The following MXI1 variants were observed in gnomAD, a reference collection of about 807,000 sequenced individuals.
MXI1 encodes MAX interactor 1, dimerization protein, also known as max-interacting protein 1.
MXI1 carries 18 observed loss-of-function variants against 36.9 expected under a neutral mutation model. The ratio of observed to expected loss-of-function variants is 0.49; its 90% CI spans 0.34 to 0.72. MXI1 has a LOEUF of 0.72. Ranked by LOEUF, MXI1 falls within the 30% of genes least tolerant of loss-of-function variation. The probability of loss-of-function intolerance (pLI) is 0.01; values close to 1 mark genes in which losing one functional copy is unlikely to be tolerated. For missense variants in MXI1, 304 were observed against 379.1 expected, an observed-to-expected ratio of 0.80 and a Z score of 1.64; for synonymous variants, 160 against 146.7, an observed-to-expected ratio of 1.09 and a Z score of -0.65.
intron 5 of MXI1, 85 bp from the exon 6 acceptor site, chr10:110,284,739 T>G: frequency 8.3e-7 from 1 of 1,208,796 alleles, no homozygotes; most frequent in Non-Finnish European, 1.1e-6. Flanking sequence ...ACATTTCTTA[T>G]ACCTCTTTTC....
chr10:110,251,798 C>T (rs1856100607), intron 3 of MXI1, among the ~76,000 whole-genome samples: 1 of 151,994 alleles, frequency 6.6e-6, no homozygotes, highest in East Asian at 1.9e-4. Flanking sequence ...GCCATGGAAG[C>T]AGGAATGTAG....
intron 3 of MXI1, among the ~76,000 whole-genome samples, chr10:110,276,594 G>A (rs1731685524): frequency 6.8e-6 from 1 of 147,324 alleles, no homozygotes; most frequent in African/African-American, 2.5e-5. Context: ...AGTCTTGAGT[G>A]TAAACTCTTA....
intron 2 of MXI1, among the ~76,000 whole-genome samples, chr10:110,237,437 T>G (rs910755487): frequency 6.6e-6 from 1 of 152,222 alleles, no homozygotes; most frequent in Non-Finnish European, 1.5e-5. Flanking sequence ...CTACATCTAT[T>G]TAGGTGATAC....
chr10:110,276,562 AAAGT>A (rs1857036191), intron 3 of MXI1, among the ~76,000 whole-genome samples: 1 of 152,202 alleles, frequency 6.6e-6, no homozygotes. Context: ...CAAATGAAAC[AAAGT>A]AATATGTTTC....
intron 1 of MXI1, among the ~76,000 whole-genome samples, chr10:110,214,923 C>T (rs775856247): frequency 2.0e-5 from 3 of 150,600 alleles, no homozygotes; most frequent in Non-Finnish European, 4.4e-5. Context: ...AGTCTTCCTG[C>T]AGAATGAGGA....
At chr10:110,213,782 A>G (rs948383702) in intron 1 of MXI1, among the ~76,000 whole-genome samples, 1 of 152,244 alleles carries the variant, frequency 6.6e-6, no homozygotes, top group Non-Finnish European at 1.5e-5. Flanking sequence ...TCTCCCACTG[A>G]CACATCCAGA....
rs141897735 is a variant in MXI1, at chr10:110,230,977, C to T, written c.407+2656C>T. Among the ~76,000 whole-genome samples the T allele has an allele frequency of 1.0e-3, 152 of 152,270 alleles. 2 individuals are homozygous for T. In the East Asian group the frequency reaches 0.023, roughly 23 times the overall value. On this transcript the variant is annotated intron_variant, in intron 2 of 5. Transcript: ENST00000332674. ...AACACTGATGTATGTTATAAAATGACATTTGTTTCTCTGACATCGTAGCAT... is the reference window on the plus strand; with the variant it reads ...AACACTGATGTATGTTATAAAATGATATTTGTTTCTCTGACATCGTAGCAT...
intron 2 of MXI1, among the ~76,000 whole-genome samples, chr10:110,231,833 T>G (rs1855275922): frequency 6.6e-6 from 1 of 152,214 alleles, no homozygotes; most frequent in South Asian, 2.1e-4. Flanking sequence ...ATGACTGCAG[T>G]GTAACACTGA....
chr10:110,279,828 T>C (rs1857171781), intron 4 of MXI1, 86 bp from the exon 5 acceptor site: 1 of 1,028,144 alleles, frequency 9.7e-7, no homozygotes, highest in African/African-American at 1.6e-5. Flanking sequence ...TGTATATTCA[T>C]TCATGTTTTC....
At chr10:110,281,099 C>G (rs1403680539) in intron 5 of MXI1, among the ~76,000 whole-genome samples, 1 of 151,978 alleles carries the variant, frequency 6.6e-6, no homozygotes, top group Non-Finnish European at 1.5e-5. Context: ...TTGTTTTTGA[C>G]TTTTTTAAGT....
rs1462937537 is a variant in MXI1 at position 110,235,256 on chromosome 10, T to C, written c.407+6935T>C. On this transcript the variant is annotated intron_variant, in intron 2 of 5. Transcript: ENST00000332674. ...TGAGAGCAAATATTCTCCAAAGGAATGATGTTTCCAAATGAGATACTTTGT... is the reference window on the plus strand; with the variant it reads ...TGAGAGCAAATATTCTCCAAAGGAACGATGTTTCCAAATGAGATACTTTGT... Among the ~76,000 whole-genome samples the C allele has an allele frequency of 5.3e-5, 8 of 152,196 alleles. No homozygotes were observed. The South Asian group carries it at 1.7e-3, about 31-fold the overall frequency.
Position 110,235,690 on chromosome 10 carries a change from AAAAT to A in MXI1, c.407+7396_407+7399del, listed in dbSNP as rs60672702. Among the ~76,000 whole-genome samples the A allele has an allele frequency of 1.4e-3, 215 of 149,184 alleles. 5 individuals are homozygous for A. Among genetic ancestry groups the A allele is most frequent in the Admixed American group, 0.013 (194 of 15,022 alleles). On this transcript the variant is annotated intron_variant, in intron 2 of 5. Transcript: ENST00000332674. ...GTGACAGAGCAAGACTCTGTCTCAA[AAAAT>A]AAATAAATAAATAAATAAATAAATA...
At chr10:110,241,624 T>C (rs1388064480) in intron 2 of MXI1, among the ~76,000 whole-genome samples, 3 of 152,024 alleles carry the variant, frequency 2.0e-5, no homozygotes, top group Non-Finnish European at 2.9e-5. Context: ...GTAGCTTCAG[T>C]CACCTATCTT....
At chr10:110,260,138 TA>T (rs1856458146) in intron 3 of MXI1, among the ~76,000 whole-genome samples, 1 of 152,064 alleles carries the variant, frequency 6.6e-6, no homozygotes, top group Admixed American at 6.6e-5. Context: ...CCTTGGGAGA[TA>T]TGTAATGCAT....
intron 1 of MXI1, among the ~76,000 whole-genome samples, chr10:110,223,077 A>G (rs752156368): frequency 3.9e-5 from 6 of 151,908 alleles, no homozygotes; most frequent in African/African-American, 1.2e-4. Flanking sequence ...CCATGTCCTC[A>G]TCTCCCTCTT....
intron 3 of MXI1, among the ~76,000 whole-genome samples, chr10:110,276,021 A>G (rs1025920760): frequency 3.9e-5 from 6 of 152,200 alleles, no homozygotes; most frequent in Non-Finnish European, 5.9e-5. Flanking sequence ...GCATTTTTCA[A>G]ACTTTGGTCT....
chr10:110,279,132 C>A, intron 3 of MXI1, 48 bp from the exon 4 acceptor site: 1 of 1,354,994 alleles, frequency 7.4e-7, no homozygotes, highest in South Asian at 1.2e-5. Flanking sequence ...TATGATATTT[C>A]TAGTGAAATA....
At chr10:110,246,101 C>T (rs1008645657) in intron 3 of MXI1, among the ~76,000 whole-genome samples, 1 of 151,968 alleles carries the variant, frequency 6.6e-6, no homozygotes. Context: ...GTGGGAGGAT[C>T]GCTTGAAGCA....
rs2134489798 is a variant in MXI1, at chr10:110,286,930, G to C, written c.*1943G>C. ...AAACAGGACAAAACAATTCCTTTTT[G>C]TGGCCCAGGTAAATTATTTCTGGTT... On this transcript the variant is annotated 3_prime_UTR_variant, in exon 6 of 6. Coordinates refer to ENST00000332674, the MANE Select transcript of MXI1 (RefSeq NM_130439.3). The C allele has an allele frequency of 6.6e-6, 1 of 152,280 alleles. No homozygotes were observed. Among genetic ancestry groups the C allele is most frequent in the East Asian group, 1.9e-4 (1 of 5,190 alleles). 9.4% of individuals were successfully genotyped at this position (152,280 alleles called of 1,614,324 possible). A position where few individuals can be genotyped will look rare whatever the true frequency, so the allele number is the denominator to read the frequency against.
Sources: gnomAD v4.1 joint callset for allele counts (sites outside exome capture counted in the v4.1 genomes callset) on GRCh38, gnomAD v4.1.1 for gene constraint, MANE v1.5 for transcripts, NCBI Gene and HGNC (gene_info 2026-07-23, HGNC 2026-07-21) for gene names.